The following NARS2 variants were observed in gnomAD, a reference collection of about 807,000 sequenced individuals.
NARS2 encodes asparaginyl-tRNA synthetase.
In NARS2, 60 loss-of-function variants were observed where a neutral mutation model predicts 62.9. The observed-to-expected ratio is 0.95, with a 90% CI of 0.77 to 1.18. NARS2 has a LOEUF of 1.18. NARS2 is among the 50% of genes most tolerant of loss of function. The probability of loss-of-function intolerance (pLI) is 0.00; values close to 1 mark genes in which losing one functional copy is unlikely to be tolerated. For synonymous variants in NARS2, 196 were observed against 200.0 expected (o/e 0.98, Z 0.17); for missense variants, 619 against 576.4 (o/e 1.07, Z -0.76).
intron 11 of NARS2, among the ~76,000 whole-genome samples, chr11:78,461,204 TGA>T (rs1402121413): frequency 7.2e-5 from 11 of 152,098 alleles, no homozygotes. Flanking sequence ...TAAAAACTTC[TGA>T]GAGAATAAAC....
chr11:78,502,470 T>C (rs1325617266), intron 6 of NARS2, among the ~76,000 whole-genome samples: 1 of 152,184 alleles, frequency 6.6e-6, no homozygotes, highest in African/African-American at 2.4e-5. Flanking sequence ...ACTTTACTTT[T>C]TAACAGTACT....
At chr11:78,495,702 T>C (rs1030380835) in intron 6 of NARS2, among the ~76,000 whole-genome samples, 13 of 152,162 alleles carry the variant, frequency 8.5e-5, no homozygotes, top group Non-Finnish European at 7.4e-5. Flanking sequence ...TACTCAGATA[T>C]ATGTCACTGA....
intron 7 of NARS2, among the ~76,000 whole-genome samples, chr11:78,481,478 G>C (rs893553294): frequency 1.3e-5 from 2 of 152,136 alleles, no homozygotes; most frequent in Non-Finnish European, 2.9e-5. Context: ...GCACTGTTGA[G>C]GGACACAGTA....
chr11:78,507,783 T>C (rs948939113), intron 6 of NARS2, among the ~76,000 whole-genome samples: 5 of 152,122 alleles, frequency 3.3e-5, no homozygotes, highest in Admixed American at 1.3e-4. Context: ...CCTCCCAAAG[T>C]GCTGGGATTA....
chr11:78,463,729 A>AAC (rs1164212472), intron 11 of NARS2, among the ~76,000 whole-genome samples: 5 of 150,230 alleles, frequency 3.3e-5, no homozygotes, highest in African/African-American at 9.7e-5. Context: ...AAAAAAAAAA[A>AAC]AAAAAAAACC....
intron 12 of NARS2, among the ~76,000 whole-genome samples, chr11:78,441,721 AAAG>A (rs1857582441): frequency 6.6e-6 from 1 of 151,944 alleles, no homozygotes; most frequent in Non-Finnish European, 1.5e-5. Flanking sequence ...AAAAAAAAAA[AAAG>A]AAAAGAAAAG....
At chr11:78,452,013 C>G (rs538298359) in intron 11 of NARS2, among the ~76,000 whole-genome samples, 1 of 152,328 alleles carries the variant, frequency 6.6e-6, no homozygotes, top group South Asian at 2.1e-4. Context: ...AGCTTTTGAA[C>G]TTCCTGTTAC....
intron 11 of NARS2, among the ~76,000 whole-genome samples, chr11:78,457,530 T>C (rs550497502): frequency 3.1e-4 from 47 of 152,362 alleles, no homozygotes; most frequent in African/African-American, 1.0e-3. Flanking sequence ...ACACTGCTAA[T>C]GTACCAATGT....
chr11:78,571,499 C>T, intron 1 of NARS2, 55 bp from the exon 2 acceptor site: 4 of 1,150,930 alleles, frequency 3.5e-6, no homozygotes, highest in Non-Finnish European at 5.2e-6. Context: ...GTTTTCATTA[C>T]ACATACACAC....
chr11:78,436,568 T>G lies in NARS2; in HGVS notation c.*102A>C. The G allele has an allele frequency of 7.9e-7, 1 of 1,273,618 alleles. No homozygotes were observed. Among genetic ancestry groups the G allele is most frequent in the Non-Finnish European group, 1.1e-6 (1 of 915,456 alleles). 78.9% of individuals were successfully genotyped at this position (1,273,618 alleles called of 1,614,324 possible). A position where few individuals can be genotyped will look rare whatever the true frequency, so the allele number is the denominator to read the frequency against. On this transcript the variant is annotated 3_prime_UTR_variant, in exon 14 of 14. Transcript: ENST00000281038. ...ATCTTATGGCACAACAATTACATAT[T>G]GAAATCTGCATTTCTAAAATCCAAA...
At chr11:78,490,085 G>C (rs1259367264) in intron 7 of NARS2, among the ~76,000 whole-genome samples, 1 of 152,030 alleles carries the variant, frequency 6.6e-6, no homozygotes, top group African/African-American at 2.4e-5. Context: ...TATAAAACCT[G>C]CACATAAATA....
rs146091248 is a variant in NARS2 at position 78,436,394 on chromosome 11, A to G, written c.*276T>C. The G allele has an allele frequency of 9.7e-3, 3,212 of 329,866 alleles. 29 individuals carry two copies. Among genetic ancestry groups the G allele is most frequent in the Non-Finnish European group, 0.015 (2,625 of 178,618 alleles). The allele number at this position is 329,866 out of a possible 1,614,324, so 20.4% of individuals were successfully genotyped here. A position where few individuals can be genotyped will look rare whatever the true frequency, so the allele number is the denominator to read the frequency against. On this transcript the variant is annotated 3_prime_UTR_variant, in exon 14 of 14. Transcript: ENST00000281038. ...GTTTTAGAGTTTAAAAGAAACTTTG[A>G]GACTAATTCAATTTCTTCATTTCTT...
chr11:78,441,811 C>T (rs1857584925), intron 12 of NARS2, among the ~76,000 whole-genome samples: 1 of 152,108 alleles, frequency 6.6e-6, no homozygotes, highest in Non-Finnish European at 1.5e-5. Flanking sequence ...CATTCTTCAA[C>T]ATTAAAACAA....
chr11:78,468,310 G>GAAAAAAAAAAA lies in NARS2; in HGVS notation c.1026+926_1026+936dup, dbSNP rs764254167. On this transcript the variant is annotated intron_variant, in intron 10 of 13. Transcript: ENST00000281038. ...ACCTGCTTCTGCAAGCACTAAATCT[G>GAAAAAAAAAAA]AAAAAAAAAAAAAAAAAAGAAAAAA... 3.6e-3 allele frequency among the ~76,000 whole-genome samples: 242 copies of GAAAAAAAAAAA among 67,350 alleles called. 6 individuals are homozygous for GAAAAAAAAAAA. Among genetic ancestry groups the GAAAAAAAAAAA allele is most frequent in the African/African-American group, 0.013 (226 of 17,006 alleles). The allele number at this position is 67,350 out of a possible 152,430, so 44.2% of individuals were successfully genotyped here. A position where few individuals can be genotyped will look rare whatever the true frequency, so the allele number is the denominator to read the frequency against.
In NARS2 at chr11:78,436,612, C is replaced by T. The variant is rs1388595759; in HGVS notation, c.*58G>A. On this transcript the variant is annotated 3_prime_UTR_variant, in exon 14 of 14. Transcript: ENST00000281038. ...ATCCAAACATGCATTCTGCTGTATG[C>T]ACAATCATGTGCAGTGTCTCTGCCA... 3.4e-5 allele frequency: 53 copies of T among 1,575,360 alleles called. No homozygotes were observed. The highest frequency in any genetic ancestry group is 4.6e-5 in the Non-Finnish European group (53 of 1,151,990).
At chr11:78,454,745 A>G (rs1489891259) in intron 11 of NARS2, among the ~76,000 whole-genome samples, 7 of 151,734 alleles carry the variant, frequency 4.6e-5, no homozygotes, top group Non-Finnish European at 8.8e-5. Flanking sequence ...CAGCCTCCCA[A>G]GTAGCTGGGA....
chr11:78,563,843 AAAAAAAAAATATAT>A lies in NARS2; in HGVS notation c.513+2275_513+2288del, dbSNP rs1270028067. Reference sequence around the variant, plus strand: ...GAACTCTGTATCAAAAAAAAAAAAAAAAAAAAAAATATATATATATATATATGTATACACACACA... The same window carrying A: ...GAACTCTGTATCAAAAAAAAAAAAAAATATATATATATGTATACACACACA... On this transcript the variant is annotated intron_variant, in intron 4 of 13. Transcript: ENST00000281038. Among the ~76,000 whole-genome samples, 6 of 75,290 alleles carry A rather than the reference AAAAAAAAAATATAT, an allele frequency of 8.0e-5. 1 individual carries two copies. The highest frequency in any genetic ancestry group is 4.9e-4 in the South Asian group (1 of 2,022). 49.4% of individuals were successfully genotyped at this position (75,290 alleles called of 152,430 possible). A position where few individuals can be genotyped will look rare whatever the true frequency, so the allele number is the denominator to read the frequency against.
chr11:78,509,816 G>A (rs1412042082), intron 6 of NARS2, among the ~76,000 whole-genome samples: 1 of 119,206 alleles, frequency 8.4e-6, no homozygotes, highest in Non-Finnish European at 1.7e-5. Flanking sequence ...GATGGAGTGA[G>A]ACTCTGTCTC....
intron 6 of NARS2, among the ~76,000 whole-genome samples, chr11:78,513,671 G>A (rs973768134): frequency 8.6e-5 from 13 of 152,044 alleles, no homozygotes; most frequent in Non-Finnish European, 1.6e-4. Flanking sequence ...CCAGCTACTT[G>A]GGAGGCTGAG....
Sources: allele counts gnomAD v4.1 joint callset (sites outside exome capture counted in the v4.1 genomes callset), GRCh38; gene constraint gnomAD v4.1.1; transcripts MANE v1.5; gene names NCBI Gene and HGNC (gene_info 2026-07-23, HGNC 2026-07-21).